The following PAK2 variants were observed in gnomAD, a reference collection of about 807,000 sequenced individuals.
PAK2 encodes serine/threonine-protein kinase PAK 2.
Under a neutral mutation model 65.9 loss-of-function variants are expected in PAK2, and 21 were observed. The ratio of observed to expected loss-of-function variants is 0.32; its 90% confidence interval spans 0.23 to 0.46. The LOEUF is 0.46. Ranked by LOEUF, PAK2 falls within the 20% of genes least tolerant of loss-of-function variation. The probability of loss-of-function intolerance (pLI) is 1.00; values close to 1 mark genes in which losing one functional copy is unlikely to be tolerated. For synonymous variants in PAK2, 204 were observed against 219.7 expected (o/e 0.93, Z 0.63); for missense variants, 324 against 642.6 (o/e 0.50, Z 5.36).
rs377278564 is a variant in PAK2, at chr3:196,764,400, G to A, written c.-21-18226G>A. Reference sequence around the variant, plus strand: ...GGAGACCAAGACGGGCAGATCACTTGAGGTCAGGAGTTCAAGACCAGCCTG... The same window carrying A: ...GGAGACCAAGACGGGCAGATCACTTAAGGTCAGGAGTTCAAGACCAGCCTG... On this transcript the variant is annotated intron_variant, in intron 1 of 14. Transcript: ENST00000327134. Among the ~76,000 whole-genome samples, 3 of 151,940 alleles carry A rather than the reference G, an allele frequency of 2.0e-5. No homozygotes were observed. In the East Asian group the frequency reaches 5.8e-4, roughly 30 times the overall value.
At chr3:196,810,047 A>G (rs985791230) in intron 7 of PAK2, among the ~76,000 whole-genome samples, 2 of 152,118 alleles carry the variant, frequency 1.3e-5, no homozygotes, top group East Asian at 3.9e-4. Flanking sequence ...AAATATATTG[A>G]AAGATGAAAT....
intron 13 of PAK2, among the ~76,000 whole-genome samples, chr3:196,823,343 C>T (rs1191721807): frequency 4.6e-5 from 7 of 152,118 alleles, no homozygotes; most frequent in Non-Finnish European, 7.4e-5. Flanking sequence ...TACAGGGCTG[C>T]GTCTATAGCC....
intron 4 of PAK2, 31 bp downstream of exon 4, chr3:196,803,195 G>A (rs1715475110): frequency 6.5e-7 from 1 of 1,533,196 alleles, no homozygotes; most frequent in Non-Finnish European, 8.8e-7. Flanking sequence ...TGGATCAGAT[G>A]GAGATTTGTG....
At chr3:196,759,498 GTTTTTTTTTTTTTTTTTTTTTTTTTTTT>G (rs71301221) in intron 1 of PAK2, among the ~76,000 whole-genome samples, 1 of 108,116 alleles carries the variant, frequency 9.2e-6, no homozygotes, top group Middle Eastern at 6.2e-3. Context: ...GGTTTTTTTT[GTTTTTTTTTTTTTTTTTTTTTTTTTTTT>G]TTTTTTTTTT....
chr3:196,802,929 G>A, intron 3 of PAK2, 88 bp from the exon 4 acceptor site: 2 of 826,934 alleles, frequency 2.4e-6, no homozygotes, highest in Non-Finnish European at 3.6e-6. Flanking sequence ...AGATTGGTTT[G>A]TTTTGTGTAT....
chr3:196,811,750 A>G (rs1715834543), intron 8 of PAK2, among the ~76,000 whole-genome samples: 1 of 152,112 alleles, frequency 6.6e-6, no homozygotes, highest in South Asian at 2.1e-4. Context: ...AATTAGACAA[A>G]GTATATTTTA....
rs577048439 is a variant in PAK2 at position 196,826,363 on chromosome 3, A to G, written c.1351-833A>G. 1.2e-3 allele frequency among the ~76,000 whole-genome samples: 175 copies of G among 151,684 alleles called. 5 individuals carry two copies. The South Asian group carries it at 0.026, about 22-fold the overall frequency. ...ATTTTTTGTATTTTTTAGTAGAGACAGGGTTTCACCATGTTAGTCAGGATG... is the reference window on the plus strand; with the variant it reads ...ATTTTTTGTATTTTTTAGTAGAGACGGGGTTTCACCATGTTAGTCAGGATG... On this transcript the variant is annotated intron_variant, in intron 13 of 14. Transcript: ENST00000327134.
intron 12 of PAK2, among the ~76,000 whole-genome samples, chr3:196,818,915 G>T (rs1387267503): frequency 6.6e-6 from 1 of 151,912 alleles, no homozygotes; most frequent in Non-Finnish European, 1.5e-5. Flanking sequence ...TTCTTATAAG[G>T]TACTTAAACA....
At chr3:196,756,994 G>A (rs918061811) in intron 1 of PAK2, among the ~76,000 whole-genome samples, 1 of 152,232 alleles carries the variant, frequency 6.6e-6, no homozygotes, top group Non-Finnish European at 1.5e-5. Context: ...ACAAGGGAGG[G>A]GAAGGGGTTC....
In PAK2 at chr3:196,827,328, T is replaced by C. The variant is rs777825020; in HGVS notation, c.1483T>C (p.Leu495=). 6.3e-6 allele frequency: 10 copies of C among 1,599,940 alleles called. No homozygotes were observed. Among genetic ancestry groups the C allele is most frequent in the South Asian group, 1.1e-5 (1 of 87,722 alleles). The change falls in exon 14 of 15, where the codon TTA becomes CTA. Residue 495 remains leucine (L), a synonymous_variant. Coordinates refer to ENST00000327134, the MANE Select transcript of PAK2 (RefSeq NM_002577.4). The part of the protein sequence containing the change: ...VEKRGSAKEL[L]QHPFLKLAKP... ...AAAAAGGGGTTCAGCCAAAGAATTA[T>C]TACAGGTAAATTTAAAAATGATTTC... is the stretch of plus-strand genomic sequence containing the variant.
chr3:196,781,192 A>G (rs1368020272), intron 1 of PAK2, among the ~76,000 whole-genome samples: 1 of 152,216 alleles, frequency 6.6e-6, no homozygotes. Context: ...CATTGTATAT[A>G]TGCAAGGTTT....
At chr3:196,794,442 A>G (rs1211174575) in intron 2 of PAK2, among the ~76,000 whole-genome samples, 1 of 152,174 alleles carries the variant, frequency 6.6e-6, no homozygotes, top group Non-Finnish European at 1.5e-5. Context: ...TAAGAATCGG[A>G]CTTCCGTATC....
intron 8 of PAK2, among the ~76,000 whole-genome samples, chr3:196,811,087 T>G: frequency 6.6e-6 from 1 of 151,988 alleles, no homozygotes; most frequent in East Asian, 1.9e-4. Context: ...TTTCTGTTGC[T>G]TGGAAGCAAA....
chr3:196,744,278 A>G (rs1713298967), intron 1 of PAK2, among the ~76,000 whole-genome samples: 1 of 152,250 alleles, frequency 6.6e-6, no homozygotes, highest in South Asian at 2.1e-4. Flanking sequence ...AACTTTTAAG[A>G]CAAAATTACC....
At chr3:196,761,218 G>C (rs1713951912) in intron 1 of PAK2, among the ~76,000 whole-genome samples, 1 of 127,958 alleles carries the variant, frequency 7.8e-6, no homozygotes. Context: ...GGATTTGGCA[G>C]GGTCATGGGA....
intron 1 of PAK2, among the ~76,000 whole-genome samples, chr3:196,740,844 T>C (rs951677790): frequency 4.0e-5 from 6 of 151,882 alleles, no homozygotes; most frequent in Non-Finnish European, 8.8e-5. Context: ...TGTTTGGCTC[T>C]CTTGGAAACA....
Position 196,801,989 on chromosome 3 carries a change from A to G in PAK2, c.250A>G (p.Ile84Val), listed in dbSNP as rs774376783. 1 of 1,610,452 alleles carries G rather than the reference A, an allele frequency of 6.2e-7. No individual in the cohort carries two copies. The highest frequency in any genetic ancestry group is 1.1e-5 in the South Asian group (1 of 91,022). Residue 84 changes from isoleucine to valine, a missense_variant, in exon 3 of 15, where the codon ATC (isoleucine) becomes GTC (valine). Transcript: ENST00000327134. ...TCCTCCATCTGATTTTGAGCACACC[A>G]TCCATGTTGGCTTTGATGCTGTTAC... Reference protein sequence around the residue: ...ISPPSDFEHTIHVGFDAVTGE... With the variant: ...ISPPSDFEHTVHVGFDAVTGE...
In PAK2 at chr3:196,759,489, GTTTTTTTTGTTTTTTT is replaced by G. The variant is rs1713878208; in HGVS notation, c.-22+19341_-22+19356del. Among the ~76,000 whole-genome samples the G allele has an allele frequency of 6.1e-5, 6 of 98,880 alleles. No individual in the cohort carries two copies. In the East Asian group the frequency reaches 8.6e-4, roughly 14 times the overall value. 64.9% of individuals were successfully genotyped at this position (98,880 alleles called of 152,430 possible). On this transcript the variant is annotated intron_variant, in intron 1 of 14. Coordinates refer to ENST00000327134, the MANE Select transcript of PAK2 (RefSeq NM_002577.4). ...ACCCTTTAAGGTATACAGTTAAGTG[GTTTTTTTTGTTTTTTT>G]TTTTTTTTTTTTTTTTTTTTTTTTT...
intron 1 of PAK2, among the ~76,000 whole-genome samples, chr3:196,777,456 G>A (rs940961714): frequency 6.6e-6 from 1 of 152,124 alleles, no homozygotes; most frequent in Admixed American, 6.6e-5. Context: ...CCCCGACCTT[G>A]GCCTCCCAAA....
Sources: allele counts gnomAD v4.1 joint callset (sites outside exome capture counted in the v4.1 genomes callset), GRCh38; gene constraint gnomAD v4.1.1; transcripts MANE v1.5; gene names NCBI Gene and HGNC (gene_info 2026-07-23, HGNC 2026-07-21).